FRMD5: variants seen among roughly 807,000 people sequenced by gnomAD.
FRMD5 encodes FERM domain-containing protein 5.
Under a neutral mutation model 69.0 loss-of-function variants are expected in FRMD5, and 20 were observed. The ratio of observed to expected loss-of-function variants is 0.29; its 90% CI spans 0.20 to 0.42. The LOEUF is 0.42. Ranked by LOEUF, FRMD5 falls within the 10% of genes least tolerant of loss-of-function variation. The pLI is 1.00. For synonymous variants in FRMD5, 271 were observed against 260.1 expected (o/e 1.04, Z -0.40); for missense variants, 595 against 708.6 (o/e 0.84, Z 1.82).
intron 1 of FRMD5, among the ~76,000 whole-genome samples, chr15:43,928,318 A>T (rs187729964): frequency 1.3e-4 from 20 of 152,300 alleles, no homozygotes; most frequent in Non-Finnish European, 2.4e-4. Flanking sequence ...GAGGGGAATG[A>T]GGAAAGAGGT....
intron 7 of FRMD5, among the ~76,000 whole-genome samples, chr15:43,893,625 GGA>G (rs1401496615): frequency 6.6e-6 from 1 of 152,222 alleles, no homozygotes; most frequent in Non-Finnish European, 1.5e-5. Flanking sequence ...TGTGCCTGCA[GGA>G]GAGTCTTCTG....
At chr15:43,981,181 A>G (rs1595584112) in intron 1 of FRMD5, among the ~76,000 whole-genome samples, 1 of 151,982 alleles carries the variant, frequency 6.6e-6, no homozygotes, top group Admixed American at 6.6e-5. Context: ...GCTGGTCTCA[A>G]CCTCCTGGCC....
chr15:44,096,459 A>G (rs1356247022), intron 1 of FRMD5, among the ~76,000 whole-genome samples: 4 of 149,592 alleles, frequency 2.7e-5, no homozygotes, highest in African/African-American at 7.4e-5. Context: ...CTGGAGTACA[A>G]TGGTGTGATC....
chr15:43,871,640 C>G lies in FRMD5; in HGVS notation c.*2245G>C, dbSNP rs755429716. The G allele has an allele frequency of 3.3e-5, 5 of 152,196 alleles. No individual in the cohort carries two copies. Among genetic ancestry groups the G allele is most frequent in the African/African-American group, 4.8e-5 (2 of 41,458 alleles). The allele number at this position is 152,196 out of a possible 1,614,324, so 9.4% of individuals were successfully genotyped here. A position where few individuals can be genotyped will look rare whatever the true frequency, so the allele number is the denominator to read the frequency against. Reference sequence around the variant, plus strand: ...GTGGCTAGTTGATTTTAACTGACCCCTAATCTCTACTAGGATCTCCTTCGG... The same window carrying G: ...GTGGCTAGTTGATTTTAACTGACCCGTAATCTCTACTAGGATCTCCTTCGG... On this transcript the variant is annotated 3_prime_UTR_variant, in exon 14 of 14. Coordinates refer to ENST00000417257, the MANE Select transcript of FRMD5 (RefSeq NM_032892.5).
intron 1 of FRMD5, among the ~76,000 whole-genome samples, chr15:44,187,751 T>C (rs1222442551): frequency 6.6e-6 from 1 of 152,124 alleles, no homozygotes; most frequent in African/African-American, 2.4e-5. Context: ...AAATTTTTTG[T>C]AGAGACAAGG....
chr15:43,938,212 A>T (rs2089797142), intron 1 of FRMD5, among the ~76,000 whole-genome samples: 2 of 149,768 alleles, frequency 1.3e-5, no homozygotes, highest in Admixed American at 6.6e-5. Flanking sequence ...GGCCTGGGCG[A>T]AAGAGCGAGA....
At chr15:44,138,645 T>C (rs140170829) in intron 1 of FRMD5, among the ~76,000 whole-genome samples, 88 of 152,218 alleles carry the variant, frequency 5.8e-4, no homozygotes, top group African/African-American at 2.0e-3. Flanking sequence ...TGATATATCA[T>C]AGAATATACT....
chr15:44,191,405 G>T (rs1039598198), intron 1 of FRMD5, among the ~76,000 whole-genome samples: 3 of 152,034 alleles, frequency 2.0e-5, no homozygotes, highest in African/African-American at 4.8e-5. Context: ...GGCCAACATG[G>T]TGAAACCTCG....
rs560677709 is a variant in FRMD5 at position 44,124,223 on chromosome 15, C to T, written c.102+70730G>A. 4.6e-5 allele frequency among the ~76,000 whole-genome samples: 7 copies of T among 151,966 alleles called. No individual in the cohort carries two copies. The South Asian group carries it at 1.5e-3, about 32-fold the overall frequency. On this transcript the variant is annotated intron_variant, in intron 1 of 13. Coordinates refer to ENST00000417257, the MANE Select transcript of FRMD5 (RefSeq NM_032892.5). ...GGCCAGGCTGGTCCCGAACTCCTGA[C>T]CTCAGGTGATCTGCCCGCCTCGGCC...
rs188075546 is a variant in FRMD5 at position 44,106,107 on chromosome 15, C to T, written c.102+88846G>A. On this transcript the variant is annotated intron_variant, in intron 1 of 13. Transcript: ENST00000417257. Reference sequence around the variant, plus strand: ...ATTTTCCATCCACAGTTGGTTGAATCCATGGCTGTACGATGTTTTAAAAAG... The same window carrying T: ...ATTTTCCATCCACAGTTGGTTGAATTCATGGCTGTACGATGTTTTAAAAAG... Among the ~76,000 whole-genome samples the T allele has an allele frequency of 3.9e-3, 588 of 152,118 alleles. 6 individuals carry two copies. Among genetic ancestry groups the T allele is most frequent in the African/African-American group, 0.014 (575 of 41,496 alleles).
chr15:43,969,003 T>G (rs1434972026), intron 1 of FRMD5, among the ~76,000 whole-genome samples: 1 of 152,150 alleles, frequency 6.6e-6, no homozygotes, highest in Non-Finnish European at 1.5e-5. Context: ...GTAGACTGAT[T>G]ATATCTAGAG....
At chr15:43,888,967 C>T in intron 8 of FRMD5, 95 bp from the exon 9 acceptor site, 1 of 1,038,730 alleles carries the variant, frequency 9.6e-7, no homozygotes, top group Non-Finnish European at 1.5e-6. Context: ...CTGGAAGGGG[C>T]TCCAGGCACA....
intron 1 of FRMD5, among the ~76,000 whole-genome samples, chr15:43,956,714 T>C (rs1185720858): frequency 2.6e-5 from 4 of 152,208 alleles, no homozygotes; most frequent in African/African-American, 9.6e-5. Flanking sequence ...TTTTAAATCA[T>C]TTTACTTGTT....
At chr15:43,977,543 T>A (rs970102751) in intron 1 of FRMD5, among the ~76,000 whole-genome samples, 2 of 152,114 alleles carry the variant, frequency 1.3e-5, no homozygotes, top group Non-Finnish European at 2.9e-5. Flanking sequence ...TCTGAGCAAC[T>A]GAGGTTACTC....
At chr15:44,132,735 AATGT>A (rs556557718) in intron 1 of FRMD5, among the ~76,000 whole-genome samples, 5 of 118,122 alleles carry the variant, frequency 4.2e-5, no homozygotes, top group East Asian at 2.6e-4. Flanking sequence ...GGACATCATG[AATGT>A]ATGTATGTAT....
chr15:43,909,764 G>T, intron 5 of FRMD5, 118 bp downstream of exon 5: 1 of 608,670 alleles, frequency 1.6e-6, no homozygotes, highest in Non-Finnish European at 2.9e-6. Context: ...ACAAGCGTGA[G>T]CCACAGCACC....
At chr15:43,948,495 A>G (rs767072621) in intron 1 of FRMD5, among the ~76,000 whole-genome samples, 19 of 152,232 alleles carry the variant, frequency 1.2e-4, no homozygotes, top group Non-Finnish European at 2.2e-4. Context: ...TCATTCCATT[A>G]TATTAAAATT....
intron 1 of FRMD5, among the ~76,000 whole-genome samples, chr15:44,039,159 G>T (rs1440197407): frequency 6.6e-6 from 1 of 152,230 alleles, no homozygotes; most frequent in African/African-American, 2.4e-5. Flanking sequence ...TGAAAAAAAG[G>T]CAACAGCCTC....
At position 43,892,103 on chromosome 15, in the gene FRMD5, C is replaced by T. The variant is rs778564642; in HGVS notation, c.640-34G>A. The T allele has an allele frequency of 3.3e-5, 52 of 1,588,626 alleles. 1 individual carries two copies. In the Admixed American group the frequency reaches 7.0e-4, roughly 21 times the overall value. On this transcript the variant is annotated intron_variant, in intron 7 of 13. Coordinates refer to ENST00000417257, the MANE Select transcript of FRMD5 (RefSeq NM_032892.5). ...CAGAAAGACTTCTCATCGGGTGATG[C>T]AGGCACAGAGGTGAAAGGGTAAGAA...
Sources: gnomAD v4.1 joint callset for allele counts (sites outside exome capture counted in the v4.1 genomes callset) on GRCh38, gnomAD v4.1.1 for gene constraint, MANE v1.5 for transcripts, NCBI Gene and HGNC (gene_info 2026-07-23, HGNC 2026-07-21) for gene names.